Variants in HORMAD2 observed in about 807,000 individuals in gnomAD.
The protein encoded by HORMAD2 is HORMA domain containing 2, also known as HORMA domain-containing protein 2.
In HORMAD2, 45 loss-of-function variants were observed where a neutral mutation model predicts 38.8. The observed-to-expected ratio is 1.16, with a 90% CI of 0.91 to 1.49. The LOEUF is 1.49. Among genes scored for constraint, HORMAD2 ranks in the 40% most tolerant of loss-of-function variants. The probability of loss-of-function intolerance (pLI) is 0.00; values close to 1 mark genes in which losing one functional copy is unlikely to be tolerated. For missense variants in HORMAD2, 338 were observed against 367.0 expected (o/e 0.92, Z 0.65); for synonymous variants, 126 against 122.8 (o/e 1.03, Z -0.17).
At chr22:30,087,247 G>A (rs1447426739) in intron 1 of HORMAD2, among the ~76,000 whole-genome samples, 1 of 152,188 alleles carries the variant, frequency 6.6e-6, no homozygotes, top group Non-Finnish European at 1.5e-5. Flanking sequence ...GAGCAACTAG[G>A]TATGTGATGA....
rs528977415 is a variant in HORMAD2, at chr22:30,119,491, C to T, written c.410+444C>T. Among the ~76,000 whole-genome samples, 22 of 152,272 alleles carry T rather than the reference C, an allele frequency of 1.4e-4. No individual in the cohort carries two copies. The East Asian group carries it at 3.7e-3, about 25-fold the overall frequency. ...CCAGTATGTCATATAAATATCATTT[C>T]CTTGTGTCCTTGTATGAAAAGATTA... is the stretch of plus-strand genomic sequence containing the variant. On this transcript the variant is annotated intron_variant, in intron 8 of 10. Coordinates refer to ENST00000336726, the MANE Select transcript of HORMAD2 (RefSeq NM_152510.4).
At chr22:30,180,048 C>T (rs901935243), downstream of HORMAD2, among the ~76,000 whole-genome samples, 1 of 151,966 alleles carries the variant, frequency 6.6e-6, no homozygotes, top group Non-Finnish European at 1.5e-5. Context: ...GCCACCATGC[C>T]CAGATAATTT....
chr22:30,172,167 G>A (rs1195942229), intron 10 of HORMAD2, among the ~76,000 whole-genome samples: 1 of 152,006 alleles, frequency 6.6e-6, no homozygotes, highest in African/African-American at 2.4e-5. Flanking sequence ...GACCATTTTT[G>A]GACTTTGTCC....
intron 10 of HORMAD2, among the ~76,000 whole-genome samples, chr22:30,156,458 AG>A (rs1925082435): frequency 6.6e-6 from 1 of 152,248 alleles, no homozygotes; most frequent in Non-Finnish European, 1.5e-5. Context: ...AGATAAAAAA[AG>A]AAAGATTTCT....
At chr22:30,164,489 C>T (rs1925653896) in intron 10 of HORMAD2, among the ~76,000 whole-genome samples, 1 of 152,140 alleles carries the variant, frequency 6.6e-6, no homozygotes, top group East Asian at 1.9e-4. Context: ...TTACTAATAA[C>T]TATTATAATG....
chr22:30,113,490 C>T (rs1921815296), intron 7 of HORMAD2, among the ~76,000 whole-genome samples: 1 of 152,012 alleles, frequency 6.6e-6, no homozygotes, highest in African/African-American at 2.4e-5. Flanking sequence ...TTCCTGCCTC[C>T]TCCTCCCAAA....
At chr22:30,080,015 C>T (rs2068439041), upstream of HORMAD2, 1 of 152,670 alleles carries the variant, frequency 6.6e-6, no homozygotes, top group Admixed American at 6.5e-5. Context: ...CCTGGGCCCC[C>T]CAGGCTCTCG....
chr22:30,200,436 C>G, the HORMAD2 span, among the ~76,000 whole-genome samples: 3 of 152,114 alleles, frequency 2.0e-5, no homozygotes, highest in Admixed American at 6.5e-5. Flanking sequence ...ATGTGATTTA[C>G]GGCTTTGGGT....
At chr22:30,160,297 G>A (rs5997584) in intron 10 of HORMAD2, among the ~76,000 whole-genome samples, 10 of 151,838 alleles carry the variant, frequency 6.6e-5, no homozygotes, top group African/African-American at 2.2e-4. Context: ...TAGTCAGGAG[G>A]AAAATATGTA....
At chr22:30,123,929 C>T (rs1922640500) in intron 10 of HORMAD2, among the ~76,000 whole-genome samples, 1 of 151,700 alleles carries the variant, frequency 6.6e-6, no homozygotes, top group African/African-American at 2.4e-5. Flanking sequence ...CTTGGCCTCT[C>T]AAAGTGCTAG....
the HORMAD2 span, among the ~76,000 whole-genome samples, chr22:30,189,387 A>G: frequency 3.3e-5 from 5 of 152,162 alleles, no homozygotes; most frequent in African/African-American, 4.8e-5. Context: ...TTCTCCAGAG[A>G]AGGCTTTAGT....
At chr22:30,182,044 A>G (rs1926742106), downstream of HORMAD2, among the ~76,000 whole-genome samples, 1 of 152,252 alleles carries the variant, frequency 6.6e-6, no homozygotes, top group African/African-American at 2.4e-5. Flanking sequence ...GGAACATTTT[A>G]TCAATCCTTT....
At chr22:30,135,392 C>T (rs375351626) in intron 10 of HORMAD2, among the ~76,000 whole-genome samples, 1 of 151,864 alleles carries the variant, frequency 6.6e-6, no homozygotes, top group East Asian at 1.9e-4. Context: ...ACCACTGGTT[C>T]AGGGAGAGAG....
the HORMAD2 span, among the ~76,000 whole-genome samples, chr22:30,185,499 A>G: frequency 6.6e-6 from 1 of 152,234 alleles, no homozygotes; most frequent in African/African-American, 2.4e-5. Flanking sequence ...GTAGAGAGGT[A>G]GAAAAGTTAC....
chr22:30,103,394 G>A, intron 3 of HORMAD2, 43 bp from the exon 4 acceptor site: 1 of 1,072,592 alleles, frequency 9.3e-7, no homozygotes, highest in Non-Finnish European at 1.4e-6. Context: ...CAGTACAGCA[G>A]TCATTTAGTA....
chr22:30,140,081 C>T (rs1923969031), intron 10 of HORMAD2, among the ~76,000 whole-genome samples: 1 of 151,756 alleles, frequency 6.6e-6, no homozygotes, highest in Non-Finnish European at 1.5e-5. Flanking sequence ...GTTTTGGTGT[C>T]AGGGTAACAC....
chr22:30,113,143 T>G (rs1921786558), intron 7 of HORMAD2, among the ~76,000 whole-genome samples: 1 of 152,174 alleles, frequency 6.6e-6, no homozygotes, highest in South Asian at 2.1e-4. Context: ...TACTAACTTC[T>G]TTCTTTAAAT....
chr22:30,173,310 G>A (rs1188047294), intron 10 of HORMAD2, among the ~76,000 whole-genome samples: 4 of 152,228 alleles, frequency 2.6e-5, no homozygotes, highest in African/African-American at 9.6e-5. Context: ...GCTCCAGAGT[G>A]GACAATGGAT....
At chr22:30,084,336 G>C (rs1037577291) in intron 1 of HORMAD2, among the ~76,000 whole-genome samples, 18 of 152,208 alleles carry the variant, frequency 1.2e-4, no homozygotes, top group African/African-American at 4.3e-4. Flanking sequence ...TGCCAAACTT[G>C]CTTTTATAAC....
Sources: allele counts gnomAD v4.1 joint callset (sites outside exome capture counted in the v4.1 genomes callset), GRCh38; gene constraint gnomAD v4.1.1; transcripts MANE v1.5; gene names NCBI Gene and HGNC (gene_info 2026-07-23, HGNC 2026-07-21).